The following FAM135A variants were observed in gnomAD, a reference collection of about 807,000 sequenced individuals.
FAM135A encodes family with sequence similarity 135 member A.
In FAM135A, 79 loss-of-function variants were observed where a neutral mutation model predicts 146.8. The ratio of observed to expected loss-of-function variants is 0.54; its 90% CI spans 0.45 to 0.65. The LOEUF (loss-of-function observed/expected upper bound fraction) is 0.65, where lower values mean the gene tolerates loss of function less well. FAM135A is among the 30% of genes least tolerant of loss of function. The probability of loss-of-function intolerance (pLI) is 0.00; values close to 1 mark genes in which losing one functional copy is unlikely to be tolerated. For missense variants in FAM135A, 1,623 were observed against 1,758.2 expected, an observed-to-expected ratio of 0.92 and a Z score of 1.38; for synonymous variants, 562 against 603.6, an observed-to-expected ratio of 0.93 and a Z score of 1.01.
At chr6:70,450,081 C>G (rs1054281177) in intron 4 of FAM135A, among the ~76,000 whole-genome samples, 3 of 152,140 alleles carry the variant, frequency 2.0e-5, no homozygotes, top group Non-Finnish European at 2.9e-5. Flanking sequence ...TATTCATGCA[C>G]TTTGCCCATT....
At chr6:70,465,323 A>G (rs1445479873) in intron 5 of FAM135A, among the ~76,000 whole-genome samples, 1 of 152,174 alleles carries the variant, frequency 6.6e-6, no homozygotes, top group South Asian at 2.1e-4. Context: ...TAATGCTTCA[A>G]TGAATGTGAG....
intron 5 of FAM135A, among the ~76,000 whole-genome samples, chr6:70,468,695 A>G (rs543042818): frequency 6.6e-6 from 1 of 152,328 alleles, no homozygotes; most frequent in Admixed American, 6.5e-5. Context: ...GAAATGACAT[A>G]GAAGACTCTT....
intron 5 of FAM135A, among the ~76,000 whole-genome samples, chr6:70,464,690 G>C (rs1029408117): frequency 8.8e-6 from 1 of 114,092 alleles, no homozygotes; most frequent in Non-Finnish European, 1.7e-5. Flanking sequence ...TTTTGAGACA[G>C]TCTCACTTTG....
intron 1 of FAM135A, among the ~76,000 whole-genome samples, chr6:70,414,450 C>G (rs532836122): frequency 6.6e-6 from 1 of 152,098 alleles, no homozygotes; most frequent in African/African-American, 2.4e-5. Flanking sequence ...TCCTCACGTC[C>G]TTTTCCATTC....
intron 14 of FAM135A, 94 bp downstream of exon 14, chr6:70,524,215 G>A: frequency 7.1e-7 from 1 of 1,402,842 alleles, no homozygotes; most frequent in Non-Finnish European, 9.5e-7. Context: ...ATGTGGAATA[G>A]TTTTTTTCCC....
chr6:70,547,765 A>G (rs772855723), intron 20 of FAM135A, among the ~76,000 whole-genome samples: 2 of 152,222 alleles, frequency 1.3e-5, no homozygotes, highest in Non-Finnish European at 2.9e-5. Context: ...AGGTGTTCAT[A>G]TATCAATCAT....
intron 12 of FAM135A, chr6:70,503,034 G>A: frequency 3.4e-6 from 1 of 290,510 alleles, no homozygotes; most frequent in Non-Finnish European, 6.4e-6. Context: ...AAGTAAAATA[G>A]GAAAATATAT....
Position 70,415,374 on chromosome 6 carries a change from C to T in FAM135A, c.-136C>T, listed in dbSNP as rs1002230730. On this transcript the variant is annotated splice_region_variant and 5_prime_UTR_variant, in exon 2 of 22. It introduces an in-frame stop codon into an upstream open reading frame of the 5' UTR. Transcript: ENST00000418814. ...AAATTCTTCCTTATGTTGTCTGTGT[C>T]AGGTAGGAATTAAGTTTTCTGTTTC... The T allele has an allele frequency of 1.3e-5, 2 of 151,864 alleles. No homozygotes were observed. The highest frequency in any genetic ancestry group is 2.9e-5 in the Non-Finnish European group (2 of 67,984). The allele number at this position is 151,864 out of a possible 1,614,324, so 9.4% of individuals were successfully genotyped here.
At position 70,524,324 on chromosome 6, in the gene FAM135A, T is replaced by C. The variant is rs1265579341; in HGVS notation, c.1259-19T>C. ...CACACCTTGTTTTAAACCTGAATCT[T>C]TTTTTCTTTGGATAAAAGACTTAGA... On this transcript the variant is annotated intron_variant, in intron 14 of 21. Transcript: ENST00000418814. 1 of 1,463,032 alleles carries C rather than the reference T, an allele frequency of 6.8e-7. No homozygotes were observed. Among genetic ancestry groups the C allele is most frequent in the Non-Finnish European group, 9.0e-7 (1 of 1,110,964 alleles). The allele number at this position is 1,463,032 out of a possible 1,614,324, so 90.6% of individuals were successfully genotyped here.
chr6:70,432,378 T>C (rs1466375467), intron 4 of FAM135A, among the ~76,000 whole-genome samples: 1 of 152,166 alleles, frequency 6.6e-6, no homozygotes, highest in African/African-American at 2.4e-5. Flanking sequence ...AGGATCTACA[T>C]TATTATTACA....
At chr6:70,515,695 T>C (rs1792041302) in intron 12 of FAM135A, among the ~76,000 whole-genome samples, 1 of 152,128 alleles carries the variant, frequency 6.6e-6, no homozygotes, top group Non-Finnish European at 1.5e-5. Flanking sequence ...TATATGTCAT[T>C]ATATATTTTT....
chr6:70,436,791 A>G (rs1173081132), intron 4 of FAM135A, among the ~76,000 whole-genome samples: 2 of 152,236 alleles, frequency 1.3e-5, no homozygotes, highest in Non-Finnish European at 2.9e-5. Context: ...GCCAATAGTA[A>G]TTGAATATCC....
intron 5 of FAM135A, among the ~76,000 whole-genome samples, chr6:70,464,654 C>CTTTT (rs1780028401): frequency 1.5e-5 from 2 of 131,846 alleles, no homozygotes; most frequent in African/African-American, 3.2e-5. Context: ...TTCTTTCTTT[C>CTTTT]TTTCTTTTTT....
intron 12 of FAM135A, among the ~76,000 whole-genome samples, chr6:70,508,669 G>A (rs561741911): frequency 1.1e-4 from 16 of 152,230 alleles, no homozygotes; most frequent in African/African-American, 3.4e-4. Context: ...TCAGAGACAT[G>A]ATGGTTACAT....
chr6:70,532,725 G>A (rs914612465), intron 16 of FAM135A, among the ~76,000 whole-genome samples: 7 of 152,214 alleles, frequency 4.6e-5, no homozygotes, highest in African/African-American at 1.7e-4. Context: ...AAGGTCAGGA[G>A]ATCAAGACCA....
At chr6:70,536,462 A>G in intron 19 of FAM135A, 51 bp downstream of exon 19, 2 of 1,381,824 alleles carry the variant, frequency 1.4e-6, no homozygotes, top group Non-Finnish European at 1.9e-6. Context: ...GGAGAAAAAT[A>G]TGAACTTAGT....
chr6:70,547,961 C>T (rs968095426), intron 20 of FAM135A, among the ~76,000 whole-genome samples: 5 of 152,182 alleles, frequency 3.3e-5, no homozygotes, highest in African/African-American at 4.8e-5. Context: ...GTGAAGTATT[C>T]ACCCACGGAC....
chr6:70,479,777 TA>T (rs1222415813), intron 8 of FAM135A, among the ~76,000 whole-genome samples: 2 of 152,212 alleles, frequency 1.3e-5, no homozygotes, highest in Admixed American at 6.5e-5. Context: ...AAACAATTTT[TA>T]TGGTCAATGC....
chr6:70,502,592 T>C lies in FAM135A; in HGVS notation c.874-44T>C, dbSNP rs367730153. 7.6e-6 allele frequency: 12 copies of C among 1,577,130 alleles called. No homozygotes were observed. In the East Asian group the frequency reaches 1.1e-4, roughly 15 times the overall value. On this transcript the variant is annotated intron_variant, in intron 11 of 21. Coordinates refer to ENST00000418814, the MANE Select transcript of FAM135A (RefSeq NM_001162529.3). ...TAACATTATATTTAAGTATGTTACA[T>C]TAAATCTTGGGAAATAGTGAAATTT...
Sources: gnomAD v4.1 joint callset for allele counts (sites outside exome capture counted in the v4.1 genomes callset) on GRCh38, gnomAD v4.1.1 for gene constraint, MANE v1.5 for transcripts, NCBI Gene and HGNC (gene_info 2026-07-23, HGNC 2026-07-21) for gene names.